Variants in ACTR3C observed in about 807,000 individuals in gnomAD.
ACTR3C encodes the protein actin-related protein 3C.
ACTR3C carries 18 observed loss-of-function variants against 26.3 expected under a neutral mutation model. The observed-to-expected ratio is 0.68, with a 90% CI of 0.47 to 1.01. The LOEUF is 1.01. Among genes scored for constraint, ACTR3C ranks in the 50% least tolerant of loss-of-function variants. The pLI is 0.00. For missense variants in ACTR3C, 184 were observed against 250.7 expected (o/e 0.73, Z 1.80); for synonymous variants, 55 against 94.5 (o/e 0.58, Z 2.42).
the ACTR3C span, among the ~76,000 whole-genome samples, chr7:150,163,646 G>A: frequency 2.0e-5 from 3 of 151,948 alleles, no homozygotes; most frequent in Admixed American, 6.6e-5. Flanking sequence ...GACTGAAGAG[G>A]CAGGAAAGCC....
chr7:150,197,897 C>G, the ACTR3C span, among the ~76,000 whole-genome samples: 3 of 149,744 alleles, frequency 2.0e-5, no homozygotes, highest in Admixed American at 2.0e-4. Context: ...GTCTCCCTCT[C>G]ATGCGGAGCC....
chr7:150,221,081 G>T, the ACTR3C span, among the ~76,000 whole-genome samples: 1 of 152,280 alleles, frequency 6.6e-6, no homozygotes, highest in South Asian at 2.1e-4. Context: ...GGGCTCGTTA[G>T]CCCAGGCTGC....
At chr7:150,135,252 A>T in the ACTR3C span, among the ~76,000 whole-genome samples, 2 of 152,278 alleles carry the variant, frequency 1.3e-5, no homozygotes, top group Non-Finnish European at 2.9e-5. Flanking sequence ...AACCCGGGGG[A>T]CACAGCGAGA....
chr7:150,049,593 T>C, the ACTR3C span, among the ~76,000 whole-genome samples: 517 of 136,878 alleles, frequency 3.8e-3, no homozygotes, highest in South Asian at 8.0e-3. Context: ...GCCCCCAGCC[T>C]TGGCATTGCC....
chr7:150,039,316 C>T, the ACTR3C span, among the ~76,000 whole-genome samples: 180 of 136,340 alleles, frequency 1.3e-3, 1 homozygote, highest in East Asian at 1.4e-3. Context: ...CAGCCAGGGG[C>T]GGAAGAGGGG....
the ACTR3C span, among the ~76,000 whole-genome samples, chr7:150,145,366 G>A: frequency 6.6e-6 from 1 of 152,142 alleles, no homozygotes; most frequent in Non-Finnish European, 1.5e-5. Flanking sequence ...TGAATTAGAA[G>A]ACTTACTTCA....
chr7:149,882,924 C>A, the ACTR3C span, among the ~76,000 whole-genome samples: 1 of 152,132 alleles, frequency 6.6e-6, no homozygotes, highest in Non-Finnish European at 1.5e-5. Context: ...TAGGTTCTGG[C>A]CTCCCCCAGA....
At chr7:149,896,400 T>C in the ACTR3C span, among the ~76,000 whole-genome samples, 2 of 152,120 alleles carry the variant, frequency 1.3e-5, no homozygotes, top group African/African-American at 4.8e-5. Context: ...TACCACTACC[T>C]ATCAGGGTGG....
chr7:150,288,965 C>A (rs926720917), intron 4 of ACTR3C, among the ~76,000 whole-genome samples: 1 of 151,708 alleles, frequency 6.6e-6, no homozygotes, highest in Non-Finnish European at 1.5e-5. Flanking sequence ...TCAGGCTCAC[C>A]CCCATCAAGC....
the ACTR3C span, among the ~76,000 whole-genome samples, chr7:150,108,661 C>T: frequency 4.7e-5 from 7 of 150,338 alleles, no homozygotes; most frequent in Non-Finnish European, 8.9e-5. Context: ...GGAGAAGGTT[C>T]GTTCTCTTCC....
At chr7:149,995,063 C>A in the ACTR3C span, among the ~76,000 whole-genome samples, 1 of 152,040 alleles carries the variant, frequency 6.6e-6, no homozygotes, top group Non-Finnish European at 1.5e-5. Context: ...CCATGTTGAC[C>A]AGGCTTGTCT....
the ACTR3C span, among the ~76,000 whole-genome samples, chr7:149,914,146 C>T: frequency 4.6e-5 from 7 of 151,586 alleles, no homozygotes; most frequent in African/African-American, 1.7e-4. Context: ...ACCTTGGCCT[C>T]CCAAAGTGCT....
the ACTR3C span, chr7:150,047,655 C>T: frequency 3.9e-6 from 4 of 1,027,188 alleles, no homozygotes; most frequent in Non-Finnish European, 4.6e-6. Context: ...GAACCGGGGC[C>T]GGCCATCCGC....
chr7:150,166,271 T>C, the ACTR3C span, among the ~76,000 whole-genome samples: 3 of 151,068 alleles, frequency 2.0e-5, no homozygotes, highest in Non-Finnish European at 4.4e-5. Flanking sequence ...ATGTGATGTT[T>C]TGATACTTGC....
the ACTR3C span, among the ~76,000 whole-genome samples, chr7:149,989,057 G>A: frequency 6.6e-6 from 1 of 152,148 alleles, no homozygotes; most frequent in Non-Finnish European, 1.5e-5. Flanking sequence ...CAGAGCTCCA[G>A]AGTAGGGAGC....
At chr7:149,883,438 G>A in the ACTR3C span, among the ~76,000 whole-genome samples, 1 of 152,180 alleles carries the variant, frequency 6.6e-6, no homozygotes, top group African/African-American at 2.4e-5. Flanking sequence ...AAAATGGGCC[G>A]TGACTGAGAG....
the ACTR3C span, among the ~76,000 whole-genome samples, chr7:150,168,752 T>C: frequency 6.6e-6 from 1 of 150,788 alleles, no homozygotes. Context: ...AGGCCCCATC[T>C]CCAGCCCCAA....
At chr7:150,182,699 C>G in the ACTR3C span, among the ~76,000 whole-genome samples, 2 of 150,898 alleles carry the variant, frequency 1.3e-5, no homozygotes. Flanking sequence ...TAAGCCATAT[C>G]TTCACCTGAA....
At chr7:150,287,969 C>T (rs1835914033) in intron 4 of ACTR3C, among the ~76,000 whole-genome samples, 1 of 145,466 alleles carries the variant, frequency 6.9e-6, no homozygotes, top group African/African-American at 2.7e-5. Context: ...AGGATTCATG[C>T]TGCAAGGTTG....
Sources: gnomAD v4.1 joint callset for allele counts (sites outside exome capture counted in the v4.1 genomes callset) on GRCh38, gnomAD v4.1.1 for gene constraint, MANE v1.5 for transcripts, NCBI Gene and HGNC (gene_info 2026-07-23, HGNC 2026-07-21) for gene names.